The following CIMAP2 variants were observed in gnomAD, a reference collection of about 807,000 sequenced individuals.
CIMAP2 encodes the protein ciliary microtubule associated protein 2, also known as ciliary microtubule-associated protein 2.
the CIMAP2 span, among the ~76,000 whole-genome samples, chr1:54,826,985 A>G: frequency 6.6e-6 from 1 of 152,236 alleles, no homozygotes; most frequent in Non-Finnish European, 1.5e-5. Flanking sequence ...TTATACTTTT[A>G]GTGGGTTGCA....
At chr1:54,819,796 C>T in the CIMAP2 span, among the ~76,000 whole-genome samples, 1 of 109,628 alleles carries the variant, frequency 9.1e-6, no homozygotes, top group African/African-American at 3.1e-5. Context: ...CTTTTCTTCT[C>T]TTTTCTTCTT....
At chr1:54,823,553 A>G in the CIMAP2 span, among the ~76,000 whole-genome samples, 1 of 152,212 alleles carries the variant, frequency 6.6e-6, no homozygotes, top group African/African-American at 2.4e-5. Context: ...GGAAATTTAA[A>G]ACACTTACAT....
chr1:54,822,658 C>T, the CIMAP2 span, among the ~76,000 whole-genome samples: 16 of 152,124 alleles, frequency 1.1e-4, no homozygotes, highest in Admixed American at 4.6e-4. Context: ...TGCACATCAC[C>T]ATGCCCAAGT....
At chr1:54,809,435 GT>G in the CIMAP2 span, among the ~76,000 whole-genome samples, 1 of 152,168 alleles carries the variant, frequency 6.6e-6, no homozygotes, top group Admixed American at 6.5e-5. Context: ...TGTCATTACC[GT>G]CCAATCTAAA....
the CIMAP2 span, among the ~76,000 whole-genome samples, chr1:54,820,116 T>TCTC: frequency 1.4e-4 from 5 of 36,196 alleles, no homozygotes; most frequent in African/African-American, 3.2e-4. Flanking sequence ...CTCTCTCTCT[T>TCTC]TCTTTCTTTC....
the CIMAP2 span, among the ~76,000 whole-genome samples, chr1:54,808,617 G>T: frequency 8.2e-6 from 1 of 122,516 alleles, no homozygotes; most frequent in Non-Finnish European, 1.8e-5. Context: ...GCTGCCGGGG[G>T]AGGGCAGTGG....
chr1:54,806,241 G>A, the CIMAP2 span: 5 of 1,505,532 alleles, frequency 3.3e-6, no homozygotes, highest in African/African-American at 5.7e-5. Flanking sequence ...TTTGCGTCCT[G>A]GGCTCACGCC....
chr1:54,836,715 A>G, the CIMAP2 span, among the ~76,000 whole-genome samples: 1 of 152,032 alleles, frequency 6.6e-6, no homozygotes, highest in African/African-American at 2.4e-5. Flanking sequence ...CTACCTGGAA[A>G]GGTGGCCTGG....
At chr1:54,841,480 G>A in the CIMAP2 span, 516 of 1,398,892 alleles carry the variant, frequency 3.7e-4, 1 homozygote, top group African/African-American at 6.6e-3. Flanking sequence ...TCCTCTCTCT[G>A]GTCCTTGGTC....
At chr1:54,827,808 T>A in the CIMAP2 span, among the ~76,000 whole-genome samples, 1 of 152,210 alleles carries the variant, frequency 6.6e-6, no homozygotes, top group Non-Finnish European at 1.5e-5. Context: ...AAGGAAAAAT[T>A]TCTTTACAGA....
the CIMAP2 span, among the ~76,000 whole-genome samples, chr1:54,820,126 CTTTCTTTCTT>C: frequency 3.8e-5 from 5 of 130,700 alleles, no homozygotes; most frequent in East Asian, 2.4e-4. Context: ...TTCTTTCTTT[CTTTCTTTCTT>C]TCTCTCTTTC....
the CIMAP2 span, chr1:54,811,773 G>GGCGGCCCCCCCCCCCCCCCCC: frequency 7.5e-7 from 1 of 1,325,052 alleles, no homozygotes; most frequent in Non-Finnish European, 1.0e-6. Context: ...CAGCCTCCAT[G>GGCGGCCCCCCCCCCCCCCCCC]CCCCCACCCC....
the CIMAP2 span, among the ~76,000 whole-genome samples, chr1:54,839,439 G>A: frequency 1.3e-5 from 2 of 152,058 alleles, no homozygotes; most frequent in South Asian, 2.1e-4. Context: ...GTGCAATGGC[G>A]CGATCTCGGC....
At chr1:54,832,073 G>C in the CIMAP2 span, among the ~76,000 whole-genome samples, 1 of 152,264 alleles carries the variant, frequency 6.6e-6, no homozygotes, top group South Asian at 2.1e-4. Flanking sequence ...TCAAACTCCT[G>C]GGCTCAAGTG....
chr1:54,839,910 C>T, the CIMAP2 span, among the ~76,000 whole-genome samples: 1 of 152,092 alleles, frequency 6.6e-6, no homozygotes, highest in Non-Finnish European at 1.5e-5. Context: ...CTACTACACC[C>T]AGCTAATTTT....
the CIMAP2 span, chr1:54,811,768 T>TGGGGGG: frequency 7.5e-6 from 4 of 533,344 alleles, no homozygotes; most frequent in East Asian, 4.4e-5. Flanking sequence ...TCTGACAGCC[T>TGGGGGG]CCATGCCCCC....
At chr1:54,835,187 G>A in the CIMAP2 span, among the ~76,000 whole-genome samples, 1 of 140,864 alleles carries the variant, frequency 7.1e-6, no homozygotes, top group East Asian at 2.8e-4. Context: ...GTGATGGTTT[G>A]TTTGTTTGTT....
chr1:54,807,592 G>A, the CIMAP2 span: 14 of 1,607,846 alleles, frequency 8.7e-6, no homozygotes, highest in Non-Finnish European at 1.0e-5. Context: ...GCTGATGAAG[G>A]AGGTGGACAC....
At chr1:54,806,117 A>AT in the CIMAP2 span, 1 of 1,535,020 alleles carries the variant, frequency 6.5e-7, no homozygotes, top group Non-Finnish European at 8.7e-7. Context: ...CAGGCCTGCC[A>AT]TGAGGGAAAG....
Sources: allele counts gnomAD v4.1 joint callset (sites outside exome capture counted in the v4.1 genomes callset), GRCh38; gene constraint gnomAD v4.1.1; transcripts MANE v1.5; gene names NCBI Gene and HGNC (gene_info 2026-07-23, HGNC 2026-07-21).